Variants in NXPE2 observed in about 807,000 individuals in gnomAD.
The protein encoded by NXPE2 is neurexophilin and PC-esterase domain family member 2, also known as NXPE family member 2.
NXPE2 carries 34 observed loss-of-function variants against 34.4 expected under a neutral mutation model. The ratio of observed to expected loss-of-function variants is 0.99; its 90% confidence interval spans 0.75 to 1.31. The LOEUF is 1.31. NXPE2 is among the 40% of genes most tolerant of loss of function. The pLI, the probability that NXPE2 is intolerant of heterozygous loss-of-function variation, is 0.00. For missense variants in NXPE2, 649 were observed against 672.5 expected (o/e 0.97, Z 0.39); for synonymous variants, 235 against 231.3 (o/e 1.02, Z -0.15).
At chr11:114,485,725 C>G in the NXPE2 span, among the ~76,000 whole-genome samples, 1 of 152,082 alleles carries the variant, frequency 6.6e-6, no homozygotes, top group Non-Finnish European at 1.5e-5. Context: ...TTTTTAGCTC[C>G]CACAAGTAAG....
chr11:114,539,171 A>G, the NXPE2 span, among the ~76,000 whole-genome samples: 4 of 152,138 alleles, frequency 2.6e-5, no homozygotes, highest in Non-Finnish European at 5.9e-5. Flanking sequence ...TTCTGAGCAA[A>G]CTATCACAAG....
chr11:114,792,163 C>T, the NXPE2 span, among the ~76,000 whole-genome samples: 2 of 152,218 alleles, frequency 1.3e-5, no homozygotes, highest in Non-Finnish European at 1.5e-5. Context: ...GCCCCCTCCC[C>T]ATAGGGGTGC....
chr11:114,484,774 A>T, the NXPE2 span, among the ~76,000 whole-genome samples: 1 of 152,212 alleles, frequency 6.6e-6, no homozygotes, highest in Non-Finnish European at 1.5e-5. Context: ...CATATGGGAA[A>T]TGAAATTTAT....
the NXPE2 span, among the ~76,000 whole-genome samples, chr11:114,468,512 C>T: frequency 2.6e-5 from 4 of 152,122 alleles, no homozygotes; most frequent in Non-Finnish European, 4.4e-5. Context: ...TTATTACCTC[C>T]CAGGGATTGT....
the NXPE2 span, among the ~76,000 whole-genome samples, chr11:114,627,170 G>C: frequency 6.6e-6 from 1 of 151,940 alleles, no homozygotes; most frequent in African/African-American, 2.4e-5. Flanking sequence ...TACAGAGAAC[G>C]CCACAAAGAT....
the NXPE2 span, among the ~76,000 whole-genome samples, chr11:114,609,000 GATA>G: frequency 6.6e-6 from 1 of 151,902 alleles, no homozygotes; most frequent in African/African-American, 2.4e-5. Context: ...TTGCCAGGTG[GATA>G]ATAAGTGTTG....
the NXPE2 span, among the ~76,000 whole-genome samples, chr11:114,532,348 CCTTTTGGTT>C: frequency 9.0e-4 from 137 of 152,122 alleles, no homozygotes; most frequent in African/African-American, 3.2e-3. Context: ...CCCAAAAGAA[CCTTTTGGTT>C]CTCTGGAAAA....
chr11:114,810,632 A>T, the NXPE2 span, among the ~76,000 whole-genome samples: 2 of 152,136 alleles, frequency 1.3e-5, no homozygotes, highest in East Asian at 1.9e-4. Context: ...TCAAAACCAC[A>T]ATGAGATACC....
chr11:114,773,281 C>CT, the NXPE2 span, among the ~76,000 whole-genome samples: 9 of 66,316 alleles, frequency 1.4e-4, no homozygotes, highest in African/African-American at 5.3e-5. Context: ...CCACTCCCAC[C>CT]CCCCCCCCAC....
the NXPE2 span, among the ~76,000 whole-genome samples, chr11:114,544,456 G>A: frequency 2.2e-4 from 34 of 152,260 alleles, no homozygotes; most frequent in South Asian, 1.7e-3. Flanking sequence ...TTTGACATAG[G>A]CACAAAGGCA....
the NXPE2 span, chr11:114,583,076 T>G: frequency 6.5e-7 from 1 of 1,530,876 alleles, no homozygotes; most frequent in Non-Finnish European, 8.8e-7. Flanking sequence ...ATATCTGAAC[T>G]GAAATGACAG....
chr11:114,568,225 C>T, the NXPE2 span, among the ~76,000 whole-genome samples: 1 of 152,126 alleles, frequency 6.6e-6, no homozygotes, highest in African/African-American at 2.4e-5. Context: ...GGGTCACATT[C>T]AAATTTTAGT....
the NXPE2 span, among the ~76,000 whole-genome samples, chr11:114,724,501 TG>T: frequency 1.3e-5 from 2 of 152,142 alleles, no homozygotes; most frequent in Non-Finnish European, 2.9e-5. Context: ...ATATTGTTTT[TG>T]CCATCTATTT....
intron 2 of NXPE2, among the ~76,000 whole-genome samples, chr11:114,696,698 A>G (rs1951265223): frequency 6.6e-6 from 1 of 152,238 alleles, no homozygotes; most frequent in Non-Finnish European, 1.5e-5. Context: ...AGTCAACAAC[A>G]TTAACATTGT....
chr11:114,661,865 A>G, the NXPE2 span, among the ~76,000 whole-genome samples: 8 of 152,314 alleles, frequency 5.3e-5, no homozygotes, highest in East Asian at 1.5e-3. Context: ...CTCTGTATAT[A>G]CCCACATGTA....
At chr11:114,622,723 C>G in the NXPE2 span, among the ~76,000 whole-genome samples, 1 of 147,686 alleles carries the variant, frequency 6.8e-6, no homozygotes, top group Non-Finnish European at 1.5e-5. Context: ...AATACGTGTT[C>G]CCTCGTGTGT....
the NXPE2 span, among the ~76,000 whole-genome samples, chr11:114,758,234 G>A: frequency 5.9e-5 from 9 of 152,100 alleles, no homozygotes; most frequent in African/African-American, 1.2e-4. Flanking sequence ...GTTTCCTCAC[G>A]CTAGAAGAGT....
chr11:114,516,438 A>C, the NXPE2 span, among the ~76,000 whole-genome samples: 2 of 152,202 alleles, frequency 1.3e-5, no homozygotes, highest in African/African-American at 4.8e-5. Flanking sequence ...TGGAGTATCA[A>C]ATCTTTCCCA....
At chr11:114,744,340 C>A in the NXPE2 span, among the ~76,000 whole-genome samples, 2 of 152,180 alleles carry the variant, frequency 1.3e-5, 1 homozygote, top group South Asian at 4.1e-4. Context: ...AACATAACCT[C>A]TGACACCTTT....
Sources: gnomAD v4.1 joint callset for allele counts (sites outside exome capture counted in the v4.1 genomes callset) on GRCh38, gnomAD v4.1.1 for gene constraint, MANE v1.5 for transcripts, NCBI Gene and HGNC (gene_info 2026-07-23, HGNC 2026-07-21) for gene names.